The following TNS1 variants were observed in gnomAD, a reference collection of about 807,000 sequenced individuals.
The protein encoded by TNS1 is tensin 1.
TNS1 carries 62 observed loss-of-function variants against 168.6 expected under a neutral mutation model. The observed-to-expected ratio is 0.37, with a 90% CI of 0.30 to 0.45. The LOEUF is 0.45. TNS1 is among the 20% of genes least tolerant of loss of function. The probability of loss-of-function intolerance (pLI) is 1.00; values close to 1 mark genes in which losing one functional copy is unlikely to be tolerated. For synonymous variants in TNS1, 934 were observed against 933.2 expected (o/e 1.00, Z -0.02); for missense variants, 2,240 against 2,339.4 (o/e 0.96, Z 0.88).
chr2:217,815,828 C>T (rs1941806756), intron 24 of TNS1, among the ~76,000 whole-genome samples: 1 of 152,176 alleles, frequency 6.6e-6, no homozygotes, highest in Admixed American at 6.5e-5. Flanking sequence ...CCAGGCCTCT[C>T]CTCACTTTCC....
rs1559289970 is a variant in TNS1 at position 217,880,329 on chromosome 2, T to A, written c.1429+569A>T. Among the ~76,000 whole-genome samples, 1 of 152,250 alleles carries A rather than the reference T, an allele frequency of 6.6e-6. No homozygotes were observed. Among genetic ancestry groups the A allele is most frequent in the African/African-American group, 2.4e-5 (1 of 41,470 alleles). Reference sequence around the variant, plus strand: ...TCAATTCTGCTGCTTTCTTTTCAAATTTCAGAGCCTATCAGTTTGTTCCCA... The same window carrying A: ...TCAATTCTGCTGCTTTCTTTTCAAAATTCAGAGCCTATCAGTTTGTTCCCA... On this transcript the variant is annotated intron_variant, in intron 18 of 32. Coordinates refer to ENST00000682258, the MANE Select transcript of TNS1 (RefSeq NM_001387777.1). The surrounding 1 kb of genome is among the most constrained non-coding windows in gnomAD (Gnocchi z 4.2).
intron 18 of TNS1, among the ~76,000 whole-genome samples, chr2:217,855,552 C>A (rs1351484455): frequency 7.3e-6 from 1 of 136,194 alleles, no homozygotes; most frequent in African/African-American, 3.1e-5. Context: ...GAGGAAGAGC[C>A]TTTATCTCTC....
intron 22 of TNS1, chr2:217,829,750 A>G (rs1944140904): frequency 1.2e-5 from 17 of 1,476,114 alleles, no homozygotes; most frequent in Non-Finnish European, 1.6e-5. Context: ...CCCAGTGAGG[A>G]AAGAGAGCTG....
chr2:217,892,911 G>C, intron 11 of TNS1, 37 bp downstream of exon 11: 1 of 1,608,778 alleles, frequency 6.2e-7, no homozygotes, highest in African/African-American at 1.3e-5. Flanking sequence ...TCACACTGTC[G>C]ATGTTCAGAG....
chr2:217,822,007 C>T (rs1942943097), intron 22 of TNS1, 69 bp from the exon 23 acceptor site: 1 of 1,454,218 alleles, frequency 6.9e-7, no homozygotes, highest in Admixed American at 2.5e-5. Context: ...TCCCCCCCAA[C>T]CTCCCCTGGA....
intron 1 of TNS1, among the ~76,000 whole-genome samples, chr2:217,993,063 C>T (rs1037710045): frequency 6.6e-6 from 1 of 152,146 alleles, no homozygotes; most frequent in East Asian, 1.9e-4. Flanking sequence ...CAGCCTACAG[C>T]GTTCAGTACA....
chr2:217,909,108 C>T (rs893475042), intron 4 of TNS1, among the ~76,000 whole-genome samples: 2 of 150,962 alleles, frequency 1.3e-5, no homozygotes, highest in South Asian at 2.1e-4. Context: ...ACCCCCTCCC[C>T]GCTAAAGCAG....
At chr2:217,896,518 C>T (rs1165696807) in intron 8 of TNS1, among the ~76,000 whole-genome samples, 3 of 152,156 alleles carry the variant, frequency 2.0e-5, no homozygotes, top group Non-Finnish European at 4.4e-5. Flanking sequence ...CCAAGGAATC[C>T]CACCGCAAGC....
chr2:217,839,284 C>A (rs1945611201), intron 19 of TNS1, among the ~76,000 whole-genome samples: 1 of 152,162 alleles, frequency 6.6e-6, no homozygotes, highest in African/African-American at 2.4e-5. Context: ...AGGACCCTAA[C>A]ACCCTATGTT....
chr2:217,911,777 C>A (rs527288039), intron 4 of TNS1, among the ~76,000 whole-genome samples: 1 of 152,246 alleles, frequency 6.6e-6, no homozygotes, highest in African/African-American at 2.4e-5. Flanking sequence ...TATCTCCCCT[C>A]TCCCTGGCAA....
At chr2:217,979,894 C>G (rs1957997846) in intron 2 of TNS1, among the ~76,000 whole-genome samples, 1 of 152,146 alleles carries the variant, frequency 6.6e-6, no homozygotes, top group African/African-American at 2.4e-5. Context: ...TCTCCTGGAT[C>G]TATTGCACCC....
intron 8 of TNS1, among the ~76,000 whole-genome samples, chr2:217,896,367 T>A (rs1436605125): frequency 1.3e-5 from 2 of 152,182 alleles, no homozygotes; most frequent in Non-Finnish European, 2.9e-5. Context: ...TAGTTAAGGA[T>A]CTCAATATGA....
In TNS1 at chr2:217,813,360, A is replaced by AC; in HGVS notation, c.4862-54dup. ...CAGTCCCTGCCCATGGCTTCCTCCC[A>AC]CCACCTCCCAAGACTGCTTCAAAAC... is the stretch of plus-strand genomic sequence containing the variant. On this transcript the variant is annotated intron_variant, in intron 26 of 32. Transcript: ENST00000682258. This position sits in a 1 kb window ranked among gnomAD's most constrained non-coding sequence, Gnocchi z 4.0. 1 of 1,389,508 alleles carries AC rather than the reference A, an allele frequency of 7.2e-7. No homozygotes were observed. Among genetic ancestry groups the AC allele is most frequent in the Non-Finnish European group, 1.0e-6 (1 of 998,926 alleles). 86.1% of individuals were successfully genotyped at this position (1,389,508 alleles called of 1,614,324 possible). A position where few individuals can be genotyped will look rare whatever the true frequency, so the allele number is the denominator to read the frequency against.
chr2:217,952,915 T>C (rs1041837911), intron 3 of TNS1, among the ~76,000 whole-genome samples: 5 of 152,160 alleles, frequency 3.3e-5, no homozygotes, highest in Non-Finnish European at 7.4e-5. Context: ...CCTTTCCTTG[T>C]AATGACATGG....
rs114704622 is a variant in TNS1 at position 217,878,155 on chromosome 2, C to T, written c.1429+2743G>A. On this transcript the variant is annotated intron_variant, in intron 18 of 32. Coordinates refer to ENST00000682258, the MANE Select transcript of TNS1 (RefSeq NM_001387777.1). ...AGCTGTTGCCTGCACTGAAGTCTTG[C>T]TGAACGCCTGCCTCAGGGCAAGCCC... 2.1e-3 allele frequency among the ~76,000 whole-genome samples: 317 copies of T among 152,350 alleles called. 1 individual carries two copies. Among genetic ancestry groups the T allele is most frequent in the African/African-American group, 7.3e-3 (305 of 41,588 alleles).
intron 20 of TNS1, among the ~76,000 whole-genome samples, chr2:217,835,561 G>A (rs991353306): frequency 6.6e-6 from 1 of 152,150 alleles, no homozygotes; most frequent in African/African-American, 2.4e-5. Context: ...CCCATTGGTT[G>A]TTACTCATGA....
intron 19 of TNS1, among the ~76,000 whole-genome samples, chr2:217,846,817 G>A (rs2125415573): frequency 6.6e-6 from 1 of 152,344 alleles, no homozygotes; most frequent in East Asian, 1.9e-4. Flanking sequence ...ATAGGAAAAG[G>A]AGCTTTGTCT....
At chr2:217,910,761 CAA>C (rs1954306080) in intron 4 of TNS1, among the ~76,000 whole-genome samples, 1 of 146,582 alleles carries the variant, frequency 6.8e-6, no homozygotes, top group Non-Finnish European at 1.5e-5. Flanking sequence ...CACACACACA[CAA>C]CCATCCTTGC....
At chr2:218,010,382 A>AGCGGCGCGGGAGGCCC (rs1958695280) in exon 1 of TNS1, 1 of 391,502 alleles carries the variant, frequency 2.6e-6, no homozygotes, top group Non-Finnish European at 4.5e-6. Context: ...TAGCGGGAGG[A>AGCGGCGCGGGAGGCCC]GCGGCGCGGG....
Sources: gnomAD v4.1 joint callset for allele counts (sites outside exome capture counted in the v4.1 genomes callset) on GRCh38, gnomAD v4.1.1 for gene constraint, Gnocchi (gnomAD v3.1) non-coding constraint, MANE v1.5 for transcripts, NCBI Gene and HGNC (gene_info 2026-07-23, HGNC 2026-07-21) for gene names.